Variants in PARD3B observed in about 807,000 individuals in gnomAD.
The protein encoded by PARD3B is par-3 family cell polarity regulator beta.
In PARD3B, 103 loss-of-function variants were observed where a neutral mutation model predicts 130.2. The ratio of observed to expected loss-of-function variants is 0.79; its 90% CI spans 0.67 to 0.93. The LOEUF (loss-of-function observed/expected upper bound fraction) is 0.93, where lower values mean the gene tolerates loss of function less well. PARD3B is among the 40% of genes least tolerant of loss of function. The pLI, the probability that PARD3B is intolerant of heterozygous loss-of-function variation, is 0.00. For synonymous variants in PARD3B, 583 were observed against 553.2 expected (o/e 1.05, Z -0.76); for missense variants, 1,609 against 1,499.2 (o/e 1.07, Z -1.21).
intron 20 of PARD3B, among the ~76,000 whole-genome samples, chr2:205,445,599 A>AC (rs2047879901): frequency 6.6e-6 from 1 of 151,930 alleles, no homozygotes; most frequent in African/African-American, 2.4e-5. Context: ...GGGGAAATCC[A>AC]CCCCCATGAT....
At chr2:204,880,098 A>C (rs1575198541) in intron 2 of PARD3B, among the ~76,000 whole-genome samples, 1 of 152,200 alleles carries the variant, frequency 6.6e-6, no homozygotes, top group East Asian at 1.9e-4. Context: ...TGTGCTTCCT[A>C]AAGGGAAAAA....
chr2:205,418,930 A>G (rs1484178578), intron 19 of PARD3B, among the ~76,000 whole-genome samples: 6 of 152,204 alleles, frequency 3.9e-5, no homozygotes, highest in African/African-American at 1.4e-4. Context: ...GCAGATACAT[A>G]CAAAATTTAT....
chr2:204,771,739 A>T (rs902560698), intron 2 of PARD3B, among the ~76,000 whole-genome samples: 1 of 152,140 alleles, frequency 6.6e-6, no homozygotes, highest in Non-Finnish European at 1.5e-5. Context: ...TTAAAAACAC[A>T]TCCATTCATA....
chr2:204,980,834 A>G (rs1425332689), intron 3 of PARD3B, among the ~76,000 whole-genome samples: 1 of 152,222 alleles, frequency 6.6e-6, no homozygotes, highest in African/African-American at 2.4e-5. Context: ...TAAATACAGT[A>G]TGGTATCCTA....
At chr2:204,692,327 C>T (rs1042743963) in intron 2 of PARD3B, among the ~76,000 whole-genome samples, 2 of 152,040 alleles carry the variant, frequency 1.3e-5, no homozygotes, top group African/African-American at 4.8e-5. Flanking sequence ...TTTATAAAAA[C>T]TCCTCTTTTA....
At chr2:204,813,263 T>C (rs2043027601) in intron 2 of PARD3B, among the ~76,000 whole-genome samples, 1 of 152,192 alleles carries the variant, frequency 6.6e-6, no homozygotes, top group African/African-American at 2.4e-5. Context: ...GGGTTATGAT[T>C]TGCATTTCCC....
rs190575654 is a variant in PARD3B, at chr2:205,339,733, C to T, written c.2630+38032C>T. Among the ~76,000 whole-genome samples the T allele has an allele frequency of 3.7e-3, 557 of 152,184 alleles. 2 individuals are homozygous for T. Among genetic ancestry groups the T allele is most frequent in the African/African-American group, 0.01 (430 of 41,532 alleles). On this transcript the variant is annotated intron_variant, in intron 18 of 22. Coordinates refer to ENST00000406610, the MANE Select transcript of PARD3B (RefSeq NM_001302769.2). Reference sequence around the variant, plus strand: ...CTATCCTGCTGACTTTGTTCAGTTACGGGCGCTATAAGTTGTGCTTTAAGA... The same window carrying T: ...CTATCCTGCTGACTTTGTTCAGTTATGGGCGCTATAAGTTGTGCTTTAAGA...
rs1307213903 is a variant in PARD3B at position 204,610,660 on chromosome 2, C to CT, written c.120+64543dup. On this transcript the variant is annotated intron_variant, in intron 1 of 22. Transcript: ENST00000406610. This position sits in a 1 kb window ranked among gnomAD's most constrained non-coding sequence, Gnocchi z 4.1. ...CAGGCAGGAGCCACCGTGCCTGCCC[C>CT]TTGTCCTTCATAGAACCACTTTGAT... 6.6e-6 allele frequency among the ~76,000 whole-genome samples: 1 copy of CT among 152,110 alleles called. No homozygotes were observed. The highest frequency in any genetic ancestry group is 2.4e-5 in the African/African-American group (1 of 41,432).
chr2:205,081,383 A>G (rs1337686073), intron 4 of PARD3B, among the ~76,000 whole-genome samples: 1 of 152,084 alleles, frequency 6.6e-6, no homozygotes, highest in Non-Finnish European at 1.5e-5. Context: ...GAGAAAATAT[A>G]GATTTACTTA....
chr2:205,260,397 T>C (rs997941538), intron 16 of PARD3B, among the ~76,000 whole-genome samples: 4 of 152,100 alleles, frequency 2.6e-5, no homozygotes, highest in Non-Finnish European at 5.9e-5. Flanking sequence ...TGGACTAATT[T>C]CTCCAGACCT....
intron 2 of PARD3B, among the ~76,000 whole-genome samples, chr2:204,964,044 A>G (rs1690987094): frequency 6.6e-6 from 1 of 152,250 alleles, no homozygotes; most frequent in African/African-American, 2.4e-5. Flanking sequence ...TATTGCCAAC[A>G]GGGTTCCCCT....
At chr2:204,996,507 G>C (rs897371269) in intron 3 of PARD3B, among the ~76,000 whole-genome samples, 5 of 152,080 alleles carry the variant, frequency 3.3e-5, no homozygotes, top group African/African-American at 1.2e-4. Context: ...GGCCATTTAA[G>C]TCTGCAGAGG....
intron 2 of PARD3B, among the ~76,000 whole-genome samples, chr2:204,778,659 G>A (rs568985347): frequency 1.4e-4 from 22 of 152,256 alleles, no homozygotes; most frequent in Non-Finnish European, 2.6e-4. Flanking sequence ...CCCACCAGTA[G>A]CTCACTGCCA....
At chr2:205,118,896 A>T in intron 6 of PARD3B, 25 bp from the exon 7 acceptor site, 1 of 1,461,774 alleles carries the variant, frequency 6.8e-7, no homozygotes, top group Non-Finnish European at 9.4e-7. Context: ...CAGTAATTAT[A>T]TTTCAATCTA....
chr2:205,217,890 A>ATTTTTT lies in PARD3B; in HGVS notation c.2140+24571_2140+24572insTTTTTT, dbSNP rs1278697689. ...TGTGTATATATATATATATATATAT[A>ATTTTTT]TATATTTTTTTTTTTATTTTTTTGA... On this transcript the variant is annotated intron_variant, in intron 15 of 22. Transcript: ENST00000406610. 5.5e-4 allele frequency among the ~76,000 whole-genome samples: 23 copies of ATTTTTT among 42,068 alleles called. 1 individual carries two copies. The highest frequency in any genetic ancestry group is 7.0e-4 in the Non-Finnish European group (18 of 25,742). The allele number at this position is 42,068 out of a possible 152,430, so 27.6% of individuals were successfully genotyped here. A position where few individuals can be genotyped will look rare whatever the true frequency, so the allele number is the denominator to read the frequency against.
intron 2 of PARD3B, among the ~76,000 whole-genome samples, chr2:204,708,678 G>A (rs1194759853): frequency 6.6e-6 from 1 of 152,138 alleles, no homozygotes; most frequent in Non-Finnish European, 1.5e-5. Context: ...TAAGTCTCAT[G>A]TAAAATTCTT....
At chr2:205,192,839 T>G (rs1292654190) in intron 14 of PARD3B, among the ~76,000 whole-genome samples, 1 of 152,216 alleles carries the variant, frequency 6.6e-6, no homozygotes, top group Admixed American at 6.5e-5. Flanking sequence ...AGAAATCCCT[T>G]AACCTGCTTT....
intron 2 of PARD3B, among the ~76,000 whole-genome samples, chr2:204,891,001 C>T (rs1174317231): frequency 6.6e-6 from 1 of 152,098 alleles, no homozygotes; most frequent in African/African-American, 2.4e-5. Context: ...CTAATTACCA[C>T]TTCCATGTTA....
intron 2 of PARD3B, among the ~76,000 whole-genome samples, chr2:204,930,271 G>C (rs951498844): frequency 6.6e-6 from 1 of 151,470 alleles, no homozygotes; most frequent in East Asian, 1.9e-4. Flanking sequence ...ATTCCCAGGG[G>C]ACTGATTCCA....
Sources: gnomAD v4.1 joint callset for allele counts (sites outside exome capture counted in the v4.1 genomes callset) on GRCh38, gnomAD v4.1.1 for gene constraint, Gnocchi (gnomAD v3.1) non-coding constraint, MANE v1.5 for transcripts, NCBI Gene and HGNC (gene_info 2026-07-23, HGNC 2026-07-21) for gene names.